Variants in XPNPEP2 observed in about 807,000 individuals in gnomAD.
The protein encoded by XPNPEP2 is xaa-Pro aminopeptidase 2.
A neutral mutation model predicts 59.8 loss-of-function variants in XPNPEP2; 64 were observed. That is an observed-to-expected ratio of 1.07 (90% CI 0.87 to 1.32). The LOEUF (loss-of-function observed/expected upper bound fraction) is 1.32. Among genes scored for constraint, XPNPEP2 ranks in the 40% most tolerant of loss-of-function variants. The pLI is 0.00. For synonymous variants in XPNPEP2, 235 were observed against 210.0 expected, an observed-to-expected ratio of 1.12 and a Z score of -1.03; for missense variants, 575 against 546.8, an observed-to-expected ratio of 1.05 and a Z score of -0.51.
At chrX:129,767,274 C>T (rs757392340) in intron 19 of XPNPEP2, among the ~76,000 whole-genome samples, 1 of 112,187 alleles carries the variant, frequency 8.9e-6, no homozygotes, top group Non-Finnish European at 1.9e-5. Context: ...AAGGATTCTG[C>T]CTCCAGTAGG....
chrX:129,748,788 G>A (rs1926344320), intron 7 of XPNPEP2, among the ~76,000 whole-genome samples: 1 of 111,320 alleles, frequency 9.0e-6, no homozygotes, highest in South Asian at 3.7e-4. Flanking sequence ...GAAGGGGAAG[G>A]GAAAAAAGAA....
chrX:129,747,879 T>G, intron 7 of XPNPEP2, 126 bp downstream of exon 7: 12 of 983,925 alleles, frequency 1.2e-5, no homozygotes, highest in Non-Finnish European at 1.7e-5. Context: ...AGCATGCACC[T>G]GAGTCACCTG....
chrX:129,751,085 C>T (rs1221944683), intron 8 of XPNPEP2, among the ~76,000 whole-genome samples: 2 of 88,069 alleles, frequency 2.3e-5, no homozygotes, highest in Non-Finnish European at 4.5e-5. Context: ...AACAGCATCT[C>T]AAAGACGCCC....
chrX:129,752,026 G>A, intron 9 of XPNPEP2, 124 bp from the exon 10 acceptor site: 3 of 892,397 alleles, frequency 3.4e-6, no homozygotes, highest in South Asian at 2.4e-5. Context: ...CCCAAATCTG[G>A]CCTGCTTGGC....
At chrX:129,740,130 TTGGC>T (rs1926145193) in intron 1 of XPNPEP2, among the ~76,000 whole-genome samples, 1 of 112,992 alleles carries the variant, frequency 8.9e-6, no homozygotes, top group Non-Finnish European at 1.9e-5. Flanking sequence ...GAGACATAAG[TTGGC>T]TGTGTCCTCA....
At chrX:129,742,041 A>G (rs1372430908) in intron 1 of XPNPEP2, 67 bp from the exon 2 acceptor site, 3 of 1,049,278 alleles carry the variant, frequency 2.9e-6, no homozygotes, top group African/African-American at 1.9e-5. Context: ...GGCTGAGAGG[A>G]TACTCCTTCC....
At position 129,753,176 on chromosome X, in the gene XPNPEP2, C is replaced by CACCT. The variant is rs778724326; in HGVS notation, c.1038_1041dup (p.Ser348LeufsTer48). ...CCCAACAGGAGAAACTCGTGACAGA[C>CACCT]ACCTACTCCCCAGTGATGATGACCA... is the stretch of plus-strand genomic sequence containing the variant. On this transcript the variant is annotated frameshift_variant, in exon 11 of 21. Coordinates refer to ENST00000371106, the MANE Select transcript of XPNPEP2 (RefSeq NM_003399.6). LOFTEE classifies it high-confidence loss of function. 1.7e-6 allele frequency: 2 copies of CACCT among 1,209,453 alleles called. No homozygotes were observed. Among genetic ancestry groups the CACCT allele is most frequent in the African/African-American group, 3.5e-5 (2 of 56,981 alleles).
Position 129,747,621 on chromosome X carries a change from T to C in XPNPEP2, c.505T>C (p.Tyr169His), listed in dbSNP as rs1347515376. ...FLLSIDTWES[Y>H]DLALQGSNRQ... is the part of the protein sequence containing the mutation. ...TGTCTCTGCAGACACCTGGGAGAGT[T>C]ATGATCTGGCCCTCCAAGGCTCTAA... The change falls in exon 7 of 21, where the codon TAT becomes CAT. Residue 169 changes from tyrosine (Y) to histidine (H), a missense_variant. Coordinates refer to ENST00000371106, the MANE Select transcript of XPNPEP2 (RefSeq NM_003399.6). 8.3e-7 allele frequency: 1 copy of C among 1,211,697 alleles called. No homozygotes were observed. Among genetic ancestry groups the C allele is most frequent in the Admixed American group, 2.2e-5 (1 of 46,113 alleles).
chrX:129,745,084 C>A (rs1926268612), intron 3 of XPNPEP2, 119 bp from the exon 4 acceptor site: 2 of 848,349 alleles, frequency 2.4e-6, no homozygotes, highest in Non-Finnish European at 3.4e-6. Context: ...TGTGCTTGGG[C>A]TTGTAGCTGA....
In XPNPEP2 at chrX:129,744,971, T is replaced by G. The variant is rs182029959; in HGVS notation, c.235-232T>G. Among the ~76,000 whole-genome samples the G allele has an allele frequency of 3.3e-3, 362 of 110,845 alleles. 3 individuals are homozygous for G. The highest frequency in any genetic ancestry group is 0.011 in the African/African-American group (326 of 30,468). ...TACACTGAGTCCAGTGTGAACAGTG[T>G]GGGGGCGGGGGAGTTGAACTGCAAA... On this transcript the variant is annotated intron_variant, in intron 3 of 20. Transcript: ENST00000371106.
At chrX:129,757,796 G>GAAGAAA (rs1197870429) in intron 14 of XPNPEP2, among the ~76,000 whole-genome samples, 1 of 33,435 alleles carries the variant, frequency 3.0e-5, no homozygotes, top group East Asian at 1.1e-3. Context: ...ACTATAAAAG[G>GAAGAAA]AAGAAAGAAA....
chrX:129,746,678 A>G lies in XPNPEP2; in HGVS notation c.487A>G (p.Ile163Val), dbSNP rs747989361. The change falls in exon 6 of 21, where the codon ATT (isoleucine) becomes GTT (valine). Residue 163 changes from isoleucine (I) to valine (V), a missense_variant. Physicochemically the swap from Ile to Val is conservative, Grantham distance 29 (BLOSUM62 3). Coordinates refer to ENST00000371106, the MANE Select transcript of XPNPEP2 (RefSeq NM_003399.6). The stretch of plus-strand genomic sequence containing the variant: ...GGGTTTTGACCCCTTCCTCTTGTCC[A>G]TTGGTATGCTCTTCCTTCAGTCCCT... ...RVGFDPFLLS[I>V]DTWESYDLAL... is the part of the protein sequence containing the mutation. The G allele has an allele frequency of 1.5e-5, 18 of 1,203,706 alleles. No individual in the cohort carries two copies. The highest frequency in any genetic ancestry group is 7.1e-5 in the African/African-American group (4 of 56,330).
At position 129,755,303 on chromosome X, in the gene XPNPEP2, G is replaced by A; in HGVS notation, c.1227G>A (p.Gln409=). The change falls in exon 13 of 21, where the codon CAG becomes CAA. Residue 409 remains glutamine, a synonymous_variant. Coordinates refer to ENST00000371106, the MANE Select transcript of XPNPEP2 (RefSeq NM_003399.6). ...EIVDKFRGEE[Q]FSSGPSFETI... ...GCCTTGTACTTTCCAGAGAAGAACA[G>A]TTCTCCTCCGGACCCAGTTTTGAAA... is the stretch of plus-strand genomic sequence containing the variant. The A allele has an allele frequency of 8.3e-7, 1 of 1,211,742 alleles. No homozygotes were observed. Among genetic ancestry groups the A allele is most frequent in the Non-Finnish European group, 1.1e-6 (1 of 895,364 alleles).
At position 129,747,735 on chromosome X, in the gene XPNPEP2, C is replaced by T; in HGVS notation, c.619C>T (p.Leu207=). ...PPVPNQPIYA[L]QEAFTGSTWQ... The stretch of plus-strand genomic sequence containing the variant: ...GGTTCCAAATCAACCCATTTATGCC[C>T]TGCAGGAGGCATTCACAGGTGATTC... The change falls in exon 7 of 21, where the codon CTG becomes TTG. Residue 207 remains leucine, a synonymous_variant. Coordinates refer to ENST00000371106, the MANE Select transcript of XPNPEP2 (RefSeq NM_003399.6). The T allele has an allele frequency of 8.3e-7, 1 of 1,212,050 alleles. No homozygotes were observed. Among genetic ancestry groups the T allele is most frequent in the Non-Finnish European group, 1.1e-6 (1 of 895,600 alleles).
At position 129,750,470 on chromosome X, in the gene XPNPEP2, A is replaced by G; in HGVS notation, c.640A>G (p.Ser214Gly). 8.4e-7 allele frequency: 1 copy of G among 1,191,177 alleles called. No individual in the cohort carries two copies. Among genetic ancestry groups the G allele is most frequent in the Non-Finnish European group, 1.1e-6 (1 of 884,647 alleles). ...IYALQEAFTG[S>G]TWQEKVSGVR... ...TTTTGGGGCTCCTTTGCTTCTAGGG[A>G]GCACTTGGCAGGAGAAAGTATCTGG... The change falls in exon 8 of 21, where the codon AGC becomes GGC. Residue 214 changes from serine to glycine, a missense_variant and splice_region_variant. Coordinates refer to ENST00000371106, the MANE Select transcript of XPNPEP2 (RefSeq NM_003399.6).
chrX:129,746,719 A>G, intron 6 of XPNPEP2, 38 bp downstream of exon 6: 1 of 1,147,630 alleles, frequency 8.7e-7, no homozygotes, highest in Non-Finnish European at 1.2e-6. Flanking sequence ...TGTCCATGCT[A>G]ACGAGGGTGA....
rs143744174 is a variant in XPNPEP2, at chrX:129,745,233, C to T, written c.265C>T (p.Arg89Cys). The change falls in exon 4 of 21, where the codon CGT becomes TGT. Residue 89 changes from arginine (R) to cysteine (C), a missense_variant. Physicochemically the swap from Arg to Cys is radical, Grantham distance 180. Transcript: ENST00000371106. ...NEYIGQHDER[R>C]AWITGFTGSA... is the part of the protein sequence containing the mutation. ...GTACATCGGCCAACATGACGAGAGG[C>T]GTGCGTGGATTACAGGCTTTACAGG... is the stretch of plus-strand genomic sequence containing the variant. 4 of 1,209,644 alleles carry T rather than the reference C, an allele frequency of 3.3e-6. No individual in the cohort carries two copies. Among genetic ancestry groups the T allele is most frequent in the East Asian group, 3.0e-5 (1 of 33,764 alleles).
In XPNPEP2 at chrX:129,745,270, A is replaced by G. The variant is rs1569475779; in HGVS notation, c.298+4A>G. ...ACAGGCTTTACAGGGTCTGCAGGTG[A>G]CAATCATTACCCAGCCCCATTGCTT... On this transcript the variant is annotated splice_donor_region_variant and intron_variant, in intron 4 of 20. Coordinates refer to ENST00000371106, the MANE Select transcript of XPNPEP2 (RefSeq NM_003399.6). The G allele has an allele frequency of 2.5e-6, 3 of 1,211,450 alleles. No homozygotes were observed. The highest frequency in any genetic ancestry group is 1.8e-5 in the South Asian group (1 of 56,939).
intron 13 of XPNPEP2, among the ~76,000 whole-genome samples, chrX:129,755,937 C>G (rs758536358): frequency 5.3e-5 from 6 of 112,463 alleles, no homozygotes; most frequent in Non-Finnish European, 9.4e-5. Context: ...CTCCTACCCA[C>G]TCGGGCTAGA....
Sources: gnomAD v4.1 joint callset for allele counts (sites outside exome capture counted in the v4.1 genomes callset) on GRCh38, gnomAD v4.1.1 for gene constraint, MANE v1.5 for transcripts, NCBI Gene and HGNC (gene_info 2026-07-23, HGNC 2026-07-21) for gene names.